The following MAOB variants were observed in gnomAD, a reference collection of about 807,000 sequenced individuals.
MAOB encodes amine oxidase [flavin-containing] B.
In MAOB, 15 loss-of-function variants were observed where a neutral mutation model predicts 41.9. The ratio of observed to expected loss-of-function variants is 0.36; its 90% CI spans 0.24 to 0.55. MAOB has a LOEUF of 0.55. Ranked by LOEUF, MAOB falls within the 20% of genes least tolerant of loss-of-function variation. The pLI, the probability that MAOB is intolerant of heterozygous loss-of-function variation, is 0.86. For missense variants in MAOB, 345 were observed against 398.7 expected, an observed-to-expected ratio of 0.87 and a Z score of 1.15; for synonymous variants, 167 against 144.2, an observed-to-expected ratio of 1.16 and a Z score of -1.13.
intron 11 of MAOB, 123 bp from the exon 12 acceptor site, chrX:43,775,395 T>C: frequency 9.5e-7 from 1 of 1,055,373 alleles, no homozygotes; most frequent in Non-Finnish European, 1.2e-6. Context: ...TAGAGTTGCA[T>C]TATCCTGATG....
chrX:43,817,099 T>TTTCTTCTTCTTCATCTTCATC (rs2034824029), intron 3 of MAOB, among the ~76,000 whole-genome samples: 1 of 108,387 alleles, frequency 9.2e-6, no homozygotes, highest in African/African-American at 3.4e-5. Flanking sequence ...TCTTTTCTCT[T>TTTCTTCTTCTTCATCTTCATC]TTCTTCTTCT....
At chrX:43,827,018 C>T (rs756486294) in intron 3 of MAOB, among the ~76,000 whole-genome samples, 5 of 111,269 alleles carry the variant, frequency 4.5e-5, no homozygotes, top group Non-Finnish European at 7.5e-5. Context: ...TTTATAAGTG[C>T]TATAAAAAAT....
intron 13 of MAOB, 123 bp from the exon 14 acceptor site, chrX:43,768,839 G>T (rs1216314052): frequency 1.7e-6 from 1 of 576,138 alleles, no homozygotes; most frequent in Non-Finnish European, 2.9e-6. Context: ...GTAAAGGCCA[G>T]AACACTCCAT....
At chrX:43,810,594 T>A (rs1368118836) in intron 3 of MAOB, among the ~76,000 whole-genome samples, 4 of 110,488 alleles carry the variant, frequency 3.6e-5, no homozygotes, top group Non-Finnish European at 7.6e-5. Flanking sequence ...ACTTAAAGTA[T>A]AATAATAATA....
At chrX:43,850,025 C>T (rs925414963) in intron 1 of MAOB, among the ~76,000 whole-genome samples, 31 of 112,253 alleles carry the variant, frequency 2.8e-4, no homozygotes, top group African/African-American at 9.4e-4. Flanking sequence ...GTTCCCAGCA[C>T]TCACACGCAT....
At chrX:43,767,730 A>C in intron 14 of MAOB, 112 bp from the exon 15 acceptor site, 1 of 632,407 alleles carries the variant, frequency 1.6e-6, no homozygotes, top group Non-Finnish European at 2.4e-6. Context: ...CGTCTAGACC[A>C]GTAAACACGA....
Position 43,793,420 on chromosome X carries a change from C to T in MAOB, c.927G>A (p.Lys309=), listed in dbSNP as rs2034486933. The change falls in exon 8 of 15, where the codon AAG becomes AAA. Residue 309 remains lysine (K), a splice_region_variant and synonymous_variant. Transcript: ENST00000378069. ...VYYKEPFWRK[K]DYCGTMIIDG... The stretch of plus-strand genomic sequence containing the variant: ...TTTTTATATAAGGAAAGTACTCACC[C>T]TTTTTCCTCCAGAAAGGCTCTTTAT... 1.7e-6 allele frequency: 2 copies of T among 1,186,413 alleles called. No individual in the cohort carries two copies. The highest frequency in any genetic ancestry group is 1.9e-5 in the South Asian group (1 of 52,761).
At chrX:43,848,666 C>G (rs1366958557) in intron 1 of MAOB, among the ~76,000 whole-genome samples, 1 of 112,038 alleles carries the variant, frequency 8.9e-6, no homozygotes, top group Non-Finnish European at 1.9e-5. Context: ...GATTCTCCTG[C>G]CTCAGCCTCC....
chrX:43,799,621 A>G (rs896028052), intron 5 of MAOB, among the ~76,000 whole-genome samples: 4 of 111,936 alleles, frequency 3.6e-5, no homozygotes, highest in African/African-American at 1.3e-4. Context: ...TAGGAGCTTC[A>G]GTAAGAAAAG....
chrX:43,856,065 T>C (rs1210155954), intron 1 of MAOB, among the ~76,000 whole-genome samples: 2 of 111,959 alleles, frequency 1.8e-5, no homozygotes, highest in African/African-American at 6.5e-5. Flanking sequence ...AAACTCTACA[T>C]GATTTTTTAA....
At chrX:43,857,130 G>T (rs752660215) in intron 1 of MAOB, among the ~76,000 whole-genome samples, 657 of 28,356 alleles carry the variant, frequency 0.023, 1 homozygote, top group Non-Finnish European at 0.028. Flanking sequence ...GAGAGAGAGA[G>T]AGAGAGAGAG....
At chrX:43,778,568 T>C in intron 11 of MAOB, 114 bp downstream of exon 11, 1 of 572,665 alleles carries the variant, frequency 1.7e-6, no homozygotes, top group South Asian at 3.4e-5. Flanking sequence ...TCTGCAAATA[T>C]ATTGGGAAAA....
intron 1 of MAOB, among the ~76,000 whole-genome samples, 167 bp downstream of exon 1, chrX:43,882,087 G>T (rs964924336): frequency 8.9e-6 from 1 of 112,116 alleles, no homozygotes; most frequent in African/African-American, 3.2e-5. Context: ...GCCCCCAAAG[G>T]AGGGTTCAGT....
At position 43,785,113 on chromosome X, in the gene MAOB, G is replaced by A. The variant is rs193002116; in HGVS notation, c.929-3569C>T. The stretch of plus-strand genomic sequence containing the variant: ...CCGTGAGCCGAGATCGCGCCACTGC[G>A]CTCCAGCCTGGGTGAAAGAGTGAGA... On this transcript the variant is annotated intron_variant, in intron 8 of 14. Coordinates refer to ENST00000378069, the MANE Select transcript of MAOB (RefSeq NM_000898.5). 8.1e-3 allele frequency among the ~76,000 whole-genome samples: 912 copies of A among 113,030 alleles called. 7 individuals are homozygous for A. Among genetic ancestry groups the A allele is most frequent in the Non-Finnish European group, 0.012 (645 of 53,343 alleles).
At chrX:43,807,241 G>T (rs972512247) in intron 3 of MAOB, among the ~76,000 whole-genome samples, 1 of 112,325 alleles carries the variant, frequency 8.9e-6, no homozygotes, top group African/African-American at 3.2e-5. Flanking sequence ...TCTCCACGAA[G>T]AAGAAGTCAA....
chrX:43,825,074 C>T (rs763508583), intron 3 of MAOB, among the ~76,000 whole-genome samples: 1 of 112,720 alleles, frequency 8.9e-6, no homozygotes, highest in African/African-American at 3.2e-5. Flanking sequence ...GGAGTCTGTG[C>T]GTACTGTGTC....
intron 1 of MAOB, among the ~76,000 whole-genome samples, chrX:43,854,354 C>A (rs968767340): frequency 3.6e-5 from 4 of 112,279 alleles, no homozygotes; most frequent in Non-Finnish European, 7.5e-5. Flanking sequence ...GAGTTAATGT[C>A]CTTTGCAGGA....
At chrX:43,794,729 A>G (rs1245923047) in intron 7 of MAOB, among the ~76,000 whole-genome samples, 1 of 109,287 alleles carries the variant, frequency 9.2e-6, no homozygotes, top group Non-Finnish European at 1.9e-5. Flanking sequence ...CCTTTTTTTC[A>G]GTTAGAGATA....
chrX:43,826,234 G>T lies in MAOB; in HGVS notation c.279+12634C>A, dbSNP rs774726978. 2.4e-4 allele frequency among the ~76,000 whole-genome samples: 27 copies of T among 111,543 alleles called. No individual in the cohort carries two copies. The South Asian group carries it at 0.01, about 42-fold the overall frequency. On this transcript the variant is annotated intron_variant, in intron 3 of 14. Transcript: ENST00000378069. Reference sequence around the variant, plus strand: ...CGGTGATGTTAAGTGTTGAGGTGGGGGACCCTCCTGGTTTCCTGACACCAT... The same window carrying T: ...CGGTGATGTTAAGTGTTGAGGTGGGTGACCCTCCTGGTTTCCTGACACCAT...
Sources: gnomAD v4.1 joint callset for allele counts (sites outside exome capture counted in the v4.1 genomes callset) on GRCh38, gnomAD v4.1.1 for gene constraint, MANE v1.5 for transcripts, NCBI Gene and HGNC (gene_info 2026-07-23, HGNC 2026-07-21) for gene names.